The following CPPED1 variants were observed in gnomAD, a reference collection of about 807,000 sequenced individuals.
CPPED1 encodes serine/threonine-protein phosphatase CPPED1.
In CPPED1, 28 loss-of-function variants were observed where a neutral mutation model predicts 28.0. That is an observed-to-expected ratio of 1.00 (90% CI 0.74 to 1.37). The LOEUF (loss-of-function observed/expected upper bound fraction) is 1.37. Among genes scored for constraint, CPPED1 ranks in the 40% most tolerant of loss-of-function variants. The pLI, the probability that CPPED1 is intolerant of heterozygous loss-of-function variation, is 0.00. For missense variants in CPPED1, 504 were observed against 416.5 expected, an observed-to-expected ratio of 1.21 and a Z score of -1.83; for synonymous variants, 198 against 180.2, an observed-to-expected ratio of 1.10 and a Z score of -0.79.
intron 2 of CPPED1, among the ~76,000 whole-genome samples, chr16:12,725,952 C>T (rs1314211877): frequency 6.6e-6 from 1 of 152,162 alleles, no homozygotes; most frequent in Non-Finnish European, 1.5e-5. Context: ...AGCACTGAGG[C>T]TGGGGAGGCT....
intron 1 of CPPED1, among the ~76,000 whole-genome samples, chr16:12,800,597 T>G (rs1304782018): frequency 6.6e-6 from 1 of 152,202 alleles, no homozygotes; most frequent in Non-Finnish European, 1.5e-5. Flanking sequence ...AATAAAAATC[T>G]GATCATACAT....
chr16:12,741,976 C>G (rs8056851), intron 2 of CPPED1, among the ~76,000 whole-genome samples: 85,518 of 151,660 alleles, frequency 0.56, 24,271 homozygotes, highest in Admixed American at 0.63. Context: ...TGAGGCGGGA[C>G]AATCGCTTGA....
At chr16:12,798,277 C>T (rs2080639037) in intron 1 of CPPED1, among the ~76,000 whole-genome samples, 1 of 152,198 alleles carries the variant, frequency 6.6e-6, no homozygotes, top group Non-Finnish European at 1.5e-5. Flanking sequence ...TATTTACTCA[C>T]AGGAACTCTC....
chr16:12,687,977 G>A (rs2079941902), intron 3 of CPPED1, among the ~76,000 whole-genome samples: 2 of 151,020 alleles, frequency 1.3e-5, no homozygotes, highest in African/African-American at 4.9e-5. Context: ...AAGGAGGAAT[G>A]GAATGTCACT....
chr16:12,693,620 A>G (rs541116377), intron 3 of CPPED1, among the ~76,000 whole-genome samples: 22 of 152,360 alleles, frequency 1.4e-4, no homozygotes, highest in Non-Finnish European at 2.9e-4. Context: ...GTAGATTTGT[A>G]CTTACACTGT....
chr16:12,678,754 T>C (rs1191529238), intron 3 of CPPED1, among the ~76,000 whole-genome samples: 2 of 152,244 alleles, frequency 1.3e-5, no homozygotes. Context: ...GAGACCTTGC[T>C]AAATTCATTT....
intron 3 of CPPED1, among the ~76,000 whole-genome samples, chr16:12,690,910 T>C (rs554496278): frequency 2.4e-4 from 36 of 152,304 alleles, no homozygotes; most frequent in African/African-American, 8.2e-4. Flanking sequence ...GCTCCTTTCC[T>C]GAGGCAGCCC....
At chr16:12,701,930 C>A (rs1287563779) in intron 3 of CPPED1, among the ~76,000 whole-genome samples, 1 of 152,192 alleles carries the variant, frequency 6.6e-6, no homozygotes, top group Non-Finnish European at 1.5e-5. Flanking sequence ...CAGCTAACCC[C>A]CCTGTTTTCT....
chr16:12,800,608 C>A (rs143174231), intron 1 of CPPED1, among the ~76,000 whole-genome samples: 1 of 152,280 alleles, frequency 6.6e-6, no homozygotes, highest in East Asian at 1.9e-4. Context: ...GATCATACAT[C>A]CTTGCTTCCT....
intron 2 of CPPED1, among the ~76,000 whole-genome samples, chr16:12,725,028 C>T (rs1020923602): frequency 2.0e-5 from 3 of 151,710 alleles, no homozygotes; most frequent in African/African-American, 7.3e-5. Flanking sequence ...CCTCGTGATC[C>T]ACCTGCCTTG....
intron 2 of CPPED1, among the ~76,000 whole-genome samples, chr16:12,746,218 T>C (rs562360333): frequency 3.1e-4 from 47 of 151,950 alleles, no homozygotes; most frequent in African/African-American, 1.1e-3. Context: ...CTACTAAAAA[T>C]ACAAAAATGA....
Position 12,704,878 on chromosome 16 carries a change from C to T in CPPED1, c.461G>A (p.Trp154Ter), listed in dbSNP as rs376756823. The T allele has an allele frequency of 1.2e-6, 2 of 1,614,052 alleles. No individual in the cohort carries two copies. The highest frequency in any genetic ancestry group is 1.7e-6 in the Non-Finnish European group (2 of 1,180,036). Residue 154 changes from tryptophan to a stop codon, truncating the protein, a stop_gained, in exon 3 of 4, where the codon TGG becomes TAG. Transcript: ENST00000381774. LOFTEE classifies it high-confidence loss of function. The stretch of plus-strand genomic sequence containing the variant: ...GACCAGGAACAGGACGCCCCCGACC[C>T]AGAAGCTGAAGTAGTCATCTCCCCA... Reference protein sequence around the residue: ...RTWGDDYFSFWVGGVLFLVLN... With the variant: ...RTWGDDYFSF
intron 2 of CPPED1, among the ~76,000 whole-genome samples, chr16:12,773,223 G>T (rs78140456): frequency 0.041 from 6,225 of 152,194 alleles, 431 homozygotes; most frequent in African/African-American, 0.14. Flanking sequence ...GGCTATTTTG[G>T]AAGTCCTGTA....
chr16:12,734,738 T>G (rs369652214), intron 2 of CPPED1, among the ~76,000 whole-genome samples: 29 of 152,202 alleles, frequency 1.9e-4, no homozygotes, highest in African/African-American at 7.0e-4. Context: ...CCCCTATGAG[T>G]CTACAGGGTT....
chr16:12,706,153 T>C (rs1483730440), intron 2 of CPPED1, among the ~76,000 whole-genome samples: 1 of 151,920 alleles, frequency 6.6e-6, no homozygotes, highest in African/African-American at 2.4e-5. Flanking sequence ...TATGAGAAAA[T>C]CTTTAATATA....
intron 2 of CPPED1, among the ~76,000 whole-genome samples, chr16:12,730,258 T>G (rs1199729325): frequency 1.3e-5 from 2 of 152,150 alleles, no homozygotes; most frequent in African/African-American, 4.8e-5. Flanking sequence ...CACCTTGGCC[T>G]CCCAAAGTGT....
intron 2 of CPPED1, among the ~76,000 whole-genome samples, chr16:12,760,139 G>A (rs1010005536): frequency 2.0e-5 from 3 of 152,198 alleles, no homozygotes; most frequent in Admixed American, 6.5e-5. Context: ...TGAGTATGAC[G>A]CTGAATCCGT....
intron 3 of CPPED1, among the ~76,000 whole-genome samples, chr16:12,693,188 C>T (rs1195533635): frequency 6.6e-6 from 1 of 152,118 alleles, no homozygotes; most frequent in Non-Finnish European, 1.5e-5. Context: ...TGTCTGGCAC[C>T]CAGGAGGCTT....
chr16:12,731,110 C>T (rs1462210530), intron 2 of CPPED1, among the ~76,000 whole-genome samples: 1 of 151,540 alleles, frequency 6.6e-6, no homozygotes, highest in Admixed American at 6.6e-5. Flanking sequence ...GAGTTCGAGA[C>T]CAGCCTGGGC....
Sources: gnomAD v4.1 joint callset for allele counts (sites outside exome capture counted in the v4.1 genomes callset) on GRCh38, gnomAD v4.1.1 for gene constraint, MANE v1.5 for transcripts, NCBI Gene and HGNC (gene_info 2026-07-23, HGNC 2026-07-21) for gene names.